Variants in KCNA6 observed in about 807,000 individuals in gnomAD.
The protein encoded by KCNA6 is human brain potassium channel-2.
In KCNA6, 17 loss-of-function variants were observed where a neutral mutation model predicts 29.5. The ratio of observed to expected loss-of-function variants is 0.58; its 90% CI spans 0.39 to 0.86. KCNA6 has a LOEUF of 0.86. Ranked by LOEUF, KCNA6 falls within the 40% of genes least tolerant of loss-of-function variation. The probability of loss-of-function intolerance (pLI) is 0.00; values close to 1 mark genes in which losing one functional copy is unlikely to be tolerated. For missense variants in KCNA6, 450 were observed against 703.4 expected (o/e 0.64, Z 4.07); for synonymous variants, 296 against 304.7 (o/e 0.97, Z 0.30).
chr12:4,830,311 A>G, the KCNA6 span, among the ~76,000 whole-genome samples: 1 of 152,186 alleles, frequency 6.6e-6, no homozygotes, highest in Non-Finnish European at 1.5e-5. Context: ...TGCAGAAAGC[A>G]CTGTGCACGC....
In KCNA6 at chr12:4,811,569, C is replaced by G. The variant is rs1366844406; in HGVS notation, c.1528C>G (p.Pro510Ala). The change falls in exon 1 of 1, where the codon CCC (proline) becomes GCC (alanine). Residue 510 changes from proline (P) to alanine (A), a missense_variant. By Grantham distance (27) the Pro-to-Ala change is conservative. Around this residue, in one of 7 missense-constraint regions of KCNA6, gnomAD observed 56 missense variants for 65.2 expected, o/e 0.86. Transcript: ENST00000280684. This position sits in a 1 kb window ranked among gnomAD's most constrained non-coding sequence, Gnocchi z 7.1. ...CCCCGAGGCTAACCGGGAACGGAGA[C>G]CCAGCTACCTTCCTACACCACATCG... 2 of 1,614,222 alleles carry G rather than the reference C, an allele frequency of 1.2e-6. No homozygotes were observed. The highest frequency in any genetic ancestry group is 1.7e-6 in the Non-Finnish European group (2 of 1,180,036).
the KCNA6 span, among the ~76,000 whole-genome samples, chr12:4,832,079 A>T: frequency 6.6e-6 from 1 of 152,094 alleles, no homozygotes; most frequent in Non-Finnish European, 1.5e-5. Context: ...AAGATGGTGT[A>T]GTTGTGGAAT....
chr12:4,811,011 G>T lies in KCNA6; in HGVS notation c.970G>T (p.Ala324Ser), dbSNP rs764613128. 3.1e-6 allele frequency: 5 copies of T among 1,614,250 alleles called. No individual in the cohort carries two copies. The highest frequency in any genetic ancestry group is 3.4e-6 in the Non-Finnish European group (4 of 1,180,054). The change falls in exon 1 of 1, where the codon GCC becomes TCC. Residue 324 changes from alanine (A) to serine (S), a missense_variant. Transcript: ENST00000280684. This position sits in a 1 kb window ranked among gnomAD's most constrained non-coding sequence, Gnocchi z 7.1. The stretch of plus-strand genomic sequence containing the variant: ...GGTGCAGCAGCAGGAGCAGCAACCA[G>T]CCAGTGGAGGAGGCGGCCAGAATGG...
chr12:4,839,676 G>A, the KCNA6 span, among the ~76,000 whole-genome samples: 9 of 152,088 alleles, frequency 5.9e-5, no homozygotes, highest in African/African-American at 2.2e-4. Context: ...GCCACCTTGT[G>A]GAAACATAAA....
chr12:4,850,723 G>A, the KCNA6 span: 1 of 400,194 alleles, frequency 2.5e-6, no homozygotes, highest in South Asian at 1.6e-5. This position sits in a 1 kb window ranked among gnomAD's most constrained non-coding sequence, Gnocchi z 5.4. Context: ...TTTTGTTCTG[G>A]TTCCTCCCTG....
chr12:4,831,061 G>A, the KCNA6 span, among the ~76,000 whole-genome samples: 1 of 152,204 alleles, frequency 6.6e-6, no homozygotes, highest in African/African-American at 2.4e-5. Flanking sequence ...TTCAGGAAAG[G>A]TAAGCTCTCT....
At chr12:4,848,004 C>T in the KCNA6 span, among the ~76,000 whole-genome samples, 4 of 152,182 alleles carry the variant, frequency 2.6e-5, no homozygotes, top group Admixed American at 1.3e-4. Context: ...TCTCACCATT[C>T]AGCATGTGGA....
chr12:4,847,957 AT>A, the KCNA6 span, among the ~76,000 whole-genome samples: 1 of 152,034 alleles, frequency 6.6e-6, no homozygotes, highest in Non-Finnish European at 1.5e-5. Flanking sequence ...CCTGTTTGAT[AT>A]TACCCTGGGA....
At chr12:4,827,174 T>TCTTTCCCTCCTTCCC in the KCNA6 span, among the ~76,000 whole-genome samples, 1 of 47,942 alleles carries the variant, frequency 2.1e-5, no homozygotes, top group East Asian at 9.6e-4. Flanking sequence ...CCCTCCTTCT[T>TCTTTCCCTCCTTCCC]TCCTTCCTTC....
the KCNA6 span, among the ~76,000 whole-genome samples, chr12:4,830,877 A>G: frequency 0.015 from 2,280 of 152,258 alleles, 58 homozygotes; most frequent in African/African-American, 0.052. Context: ...GCCTTTACCT[A>G]CCTACCTATT....
chr12:4,835,656 C>T, the KCNA6 span, among the ~76,000 whole-genome samples: 1 of 152,224 alleles, frequency 6.6e-6, no homozygotes, highest in African/African-American at 2.4e-5. Context: ...CAACCTCCAA[C>T]CCAAAGTTGC....
chr12:4,824,920 C>G, the KCNA6 span, among the ~76,000 whole-genome samples: 84 of 152,252 alleles, frequency 5.5e-4, no homozygotes, highest in East Asian at 0.016. Flanking sequence ...AGAATAAGGA[C>G]AGATGACATG....
chr12:4,833,524 G>A, the KCNA6 span, among the ~76,000 whole-genome samples: 3 of 152,204 alleles, frequency 2.0e-5, no homozygotes, highest in African/African-American at 7.2e-5. Context: ...CTGCCTCTTC[G>A]TGGGAGGAGC....
At chr12:4,809,973 G>C (rs1591588132) in exon 1 of KCNA6, 1 of 1,474,292 alleles carries the variant, frequency 6.8e-7, no homozygotes, top group South Asian at 1.4e-5. Context: ...GCTGGGGAGC[G>C]GGTGCCGCGC....
the KCNA6 span, among the ~76,000 whole-genome samples, chr12:4,836,645 G>A: frequency 6.6e-6 from 1 of 152,158 alleles, no homozygotes; most frequent in East Asian, 1.9e-4. Context: ...GAAGAGTCAT[G>A]AAGCTGCTTA....
chr12:4,839,273 C>G, the KCNA6 span: 1 of 152,224 alleles, frequency 6.6e-6, no homozygotes, highest in Non-Finnish European at 1.5e-5. Flanking sequence ...CAAGACCAAC[C>G]CTTCCTCTTC....
chr12:4,814,506 C>T (rs1198207836), downstream of KCNA6: 2 of 167,088 alleles, frequency 1.2e-5, no homozygotes, highest in Non-Finnish European at 2.9e-5. The surrounding 1 kb of genome is among the most constrained non-coding windows in gnomAD (Gnocchi z 4.6). Context: ...GGCTGTAGCT[C>T]GACCTAGTTT....
Position 4,811,407 on chromosome 12 carries a change from G to A in KCNA6, c.1366G>A (p.Val456Ile). 3 of 1,614,148 alleles carry A rather than the reference G, an allele frequency of 1.9e-6. No individual in the cohort carries two copies. The highest frequency in any genetic ancestry group is 2.5e-6 in the Non-Finnish European group (3 of 1,180,032). ...CCTCACCATTGCCCTGCCTGTGCCCGTCATCGTCTCCAACTTCAACTACTT... is the reference window on the plus strand; with the variant it reads ...CCTCACCATTGCCCTGCCTGTGCCCATCATCGTCTCCAACTTCAACTACTT... Residue 456 changes from valine to isoleucine, a missense_variant, in exon 1 of 1, where the codon GTC becomes ATC. Physicochemically the swap from Val to Ile is conservative, Grantham distance 29 (BLOSUM62 3). Coordinates refer to ENST00000280684, the Ensembl canonical transcript of KCNA6. The surrounding 1 kb of genome is among the most constrained non-coding windows in gnomAD (Gnocchi z 7.1).
the KCNA6 span, among the ~76,000 whole-genome samples, chr12:4,849,246 T>C: frequency 2.0e-5 from 3 of 152,166 alleles, no homozygotes; most frequent in African/African-American, 4.8e-5. Flanking sequence ...TTTACATTCA[T>C]AGCAGGAGAA....
Sources: allele counts gnomAD v4.1 joint callset (sites outside exome capture counted in the v4.1 genomes callset), GRCh38; gene constraint gnomAD v4.1.1; regional missense constraint gnomAD v4.1.1; non-coding constraint Gnocchi (gnomAD v3.1); transcripts MANE v1.5; gene names NCBI Gene and HGNC (gene_info 2026-07-23, HGNC 2026-07-21).